ARAP3: variants seen among roughly 807,000 people sequenced by gnomAD.
The protein encoded by ARAP3 is ArfGAP with RhoGAP domain, ankyrin repeat and PH domain 3, also known as arf-GAP with Rho-GAP domain, ANK repeat and PH domain-containing protein 3.
Under a neutral mutation model 169.2 loss-of-function variants are expected in ARAP3, and 82 were observed. The ratio of observed to expected loss-of-function variants is 0.48; its 90% CI spans 0.41 to 0.58. The LOEUF is 0.58. ARAP3 is among the 20% of genes least tolerant of loss of function. The pLI is 0.00. For synonymous variants in ARAP3, 791 were observed against 800.3 expected, an observed-to-expected ratio of 0.99 and a Z score of 0.20; for missense variants, 1,764 against 2,018.0, an observed-to-expected ratio of 0.87 and a Z score of 2.41.
At chr5:141,670,164 A>G in intron 14 of ARAP3, 101 bp from the exon 15 acceptor site, 3 of 1,435,480 alleles carry the variant, frequency 2.1e-6, no homozygotes, top group South Asian at 1.4e-5. Flanking sequence ...CTTTGCCCAT[A>G]TATGATCCCA....
rs376008757 is a variant in ARAP3 at position 141,659,400 on chromosome 5, C to T, written c.3336+8G>A. On this transcript the variant is annotated splice_region_variant and intron_variant, in intron 23 of 32. Transcript: ENST00000239440. ...CCCATTCAGGAGACTAAGGTCAGGACGAGTTACCTGCACGTCCTTCCAGGT... is the reference window on the plus strand; with the variant it reads ...CCCATTCAGGAGACTAAGGTCAGGATGAGTTACCTGCACGTCCTTCCAGGT... 6.3e-5 allele frequency: 102 copies of T among 1,613,418 alleles called. No individual in the cohort carries two copies. The highest frequency in any genetic ancestry group is 6.3e-5 in the Non-Finnish European group (74 of 1,179,480).
intron 19 of ARAP3, among the ~76,000 whole-genome samples, chr5:141,663,916 A>G (rs912177640): frequency 2.0e-5 from 3 of 152,254 alleles, no homozygotes; most frequent in Non-Finnish European, 2.9e-5. Context: ...AAATACAAAT[A>G]AAAACAATAC....
At chr5:141,655,472 CA>C (rs1423966563) in intron 31 of ARAP3, 72 bp from the exon 32 acceptor site, 13 of 1,574,952 alleles carry the variant, frequency 8.3e-6, no homozygotes, top group African/African-American at 8.2e-5. Flanking sequence ...CAACAGGAGA[CA>C]GGGGTGGGGA....
At chr5:141,670,401 G>T in intron 14 of ARAP3, 111 bp downstream of exon 14, 1 of 1,204,166 alleles carries the variant, frequency 8.3e-7, no homozygotes, top group Non-Finnish European at 1.2e-6. Flanking sequence ...CCCATTCCCA[G>T]GCATGGCCCC....
chr5:141,665,345 T>C lies in ARAP3; in HGVS notation c.2602A>G (p.Lys868Glu), dbSNP rs776854709. 6.2e-7 allele frequency: 1 copy of C among 1,614,170 alleles called. No homozygotes were observed. The highest frequency in any genetic ancestry group is 1.1e-5 in the South Asian group (1 of 91,080). The stretch of plus-strand genomic sequence containing the variant: ...TCCACCAGGACCAAATGCTCTTTCT[T>C]ATCTGGGGTGTCAGCTGCAGAAACC... ...SVVSAADTPD[K>E]KEHLVLVETG... Residue 868 changes from lysine to glutamate, a missense_variant, in exon 18 of 33, where the codon AAG becomes GAG. Lys to Glu is a moderately conservative substitution (Grantham distance 56). Around this residue, in one of 3 missense-constraint regions of ARAP3, gnomAD observed 1,112 missense variants for 1,285.7 expected, o/e 0.86. Transcript: ENST00000239440.
At chr5:141,666,677 G>C (rs758914852) in intron 16 of ARAP3, 34 bp from the exon 17 acceptor site, 79 of 1,173,846 alleles carry the variant, frequency 6.7e-5, no homozygotes, top group Non-Finnish European at 1.1e-5. Flanking sequence ...GAGAAAGGGG[G>C]ATGGGGGAAG....
Position 141,654,106 on chromosome 5 carries a change from G to A in ARAP3, c.4479C>T (p.Ile1493=). 6.2e-7 allele frequency: 1 copy of A among 1,612,116 alleles called. No homozygotes were observed. The highest frequency in any genetic ancestry group is 8.5e-7 in the Non-Finnish European group (1 of 1,178,876). Residue 1493 remains isoleucine, a synonymous_variant, in exon 33 of 33, where the codon ATC becomes ATT. Coordinates refer to ENST00000239440, the MANE Select transcript of ARAP3 (RefSeq NM_022481.6). ...CTGCAGTGGTCTCTCCTTTCCTCAG[G>A]ATGAGGCTGCTGAGCTCCTGGAGCA... ...EQLLQELSSL[I]LRKGETTAGL...
Position 141,665,047 on chromosome 5 carries a change from G to T in ARAP3, c.2675C>A (p.Thr892Lys). 6.2e-7 allele frequency: 1 copy of T among 1,613,774 alleles called. No individual in the cohort carries two copies. Among genetic ancestry groups the T allele is most frequent in the Non-Finnish European group, 8.5e-7 (1 of 1,179,838 alleles). The change falls in exon 19 of 33, where the codon ACG becomes AAG. Residue 892 changes from threonine (T) to lysine (K), a missense_variant. Thr to Lys is a moderately conservative substitution (Grantham distance 78). Coordinates refer to ENST00000239440, the MANE Select transcript of ARAP3 (RefSeq NM_022481.6). ...GCCCCCAATGGCTGCGTTCCATGCC[G>T]TGAAGTCCAGCCGGCCCTCTCCTTG... ...YLQGEGRLDFTAWNAAIGGAA... is the reference protein window; with the variant it reads ...YLQGEGRLDFKAWNAAIGGAA...
In ARAP3 at chr5:141,665,214, CTT is replaced by C. The variant is rs1478066020; in HGVS notation, c.2636+95_2636+96del. ...AATCATCCTGGAGCAAGGGAAGAAA[CTT>C]TGAGGAAGTGGGCAATGGCCCAGCA... is the stretch of plus-strand genomic sequence containing the variant. On this transcript the variant is annotated intron_variant, in intron 18 of 32. Transcript: ENST00000239440. The C allele has an allele frequency of 3.0e-5, 47 of 1,573,906 alleles. No homozygotes were observed. In the Admixed American group the frequency reaches 3.1e-4, roughly 10 times the overall value.
Position 141,671,384 on chromosome 5 carries a change from A to G in ARAP3, c.1871T>C (p.Val624Ala). The G allele has an allele frequency of 6.2e-7, 1 of 1,611,422 alleles. No individual in the cohort carries two copies. The highest frequency in any genetic ancestry group is 8.5e-7 in the Non-Finnish European group (1 of 1,178,708). Residue 624 changes from valine (V) to alanine (A), a missense_variant, in exon 13 of 33, where the codon GTG becomes GCG. Physicochemically the swap from Val to Ala is moderately conservative, Grantham distance 64 (BLOSUM62 0). Around this residue, in one of 3 missense-constraint regions of ARAP3, gnomAD observed 1,112 missense variants for 1,285.7 expected, o/e 0.86. Transcript: ENST00000239440. This position sits in a 1 kb window ranked among gnomAD's most constrained non-coding sequence, Gnocchi z 4.9. ...GTTCTTCAGCAGGTTGGGTCTTGCC[A>G]CAGCTGCACACAGTGCCTGCAGGGA... ...SQLLQALCAAVARPNLLKNMT... is the reference protein window; with the variant it reads ...SQLLQALCAAAARPNLLKNMT...
chr5:141,672,496 C>T lies in ARAP3; in HGVS notation c.1385+56G>A. On this transcript the variant is annotated intron_variant, in intron 9 of 32. Transcript: ENST00000239440. This position sits in a 1 kb window ranked among gnomAD's most constrained non-coding sequence, Gnocchi z 4.9. ...TAAAGAGGCCTCTAGTCCTCTGCACCCTTGTGCCTCCCGCAAAAGTCCCCC... is the reference window on the plus strand; with the variant it reads ...TAAAGAGGCCTCTAGTCCTCTGCACTCTTGTGCCTCCCGCAAAAGTCCCCC... The T allele has an allele frequency of 6.3e-7, 1 of 1,591,340 alleles. No individual in the cohort carries two copies. Among genetic ancestry groups the T allele is most frequent in the South Asian group, 1.1e-5 (1 of 88,464 alleles).
At chr5:141,657,603 T>C (rs1056415302) in intron 25 of ARAP3, among the ~76,000 whole-genome samples, 1 of 152,236 alleles carries the variant, frequency 6.6e-6, no homozygotes, top group African/African-American at 2.4e-5. Context: ...GTGGTTACTG[T>C]TGACAGACAA....
At chr5:141,679,413 C>A in intron 4 of ARAP3, 132 bp downstream of exon 4, 2 of 840,630 alleles carry the variant, frequency 2.4e-6, no homozygotes, top group Non-Finnish European at 3.8e-6. Context: ...GGCACTAGGT[C>A]TGTGATACTC....
rs745586827 is a variant in ARAP3 at position 141,662,154 on chromosome 5, G to A, written c.2902C>T (p.Pro968Ser). 58 of 1,614,062 alleles carry A rather than the reference G, an allele frequency of 3.6e-5. No homozygotes were observed. Among genetic ancestry groups the A allele is most frequent in the Non-Finnish European group, 4.2e-5 (50 of 1,180,038 alleles). ...RRDARSVKLR[P>S]GEHFVEDVTD... Reference sequence around the variant, plus strand: ...ACATCCTCCACAAAGTGCTCCCCTGGTCGGAGCTTCACCGACCGGGCATCC... The same window carrying A: ...ACATCCTCCACAAAGTGCTCCCCTGATCGGAGCTTCACCGACCGGGCATCC... The change falls in exon 20 of 33, where the codon CCA becomes TCA. Residue 968 changes from proline to serine, a missense_variant. By Grantham distance (74) the Pro-to-Ser change is moderately conservative. This residue lies in a region of ARAP3 where 1,112 missense variants were observed against 1,285.7 expected (regional missense o/e 0.86). Coordinates refer to ENST00000239440, the MANE Select transcript of ARAP3 (RefSeq NM_022481.6).
chr5:141,656,310 G>A, intron 27 of ARAP3, 34 bp from the exon 28 acceptor site: 1 of 1,612,234 alleles, frequency 6.2e-7, no homozygotes, highest in Non-Finnish European at 8.5e-7. Flanking sequence ...GAGATGGAGA[G>A]ATGAGAGATC....
At chr5:141,659,134 C>T (rs1292764126) in intron 23 of ARAP3, among the ~76,000 whole-genome samples, 1 of 152,164 alleles carries the variant, frequency 6.6e-6, no homozygotes, top group Non-Finnish European at 1.5e-5. Flanking sequence ...GTAGTATGGT[C>T]TCACTTGATG....
Position 141,653,736 on chromosome 5 carries a change from A to T in ARAP3, c.*214T>A, listed in dbSNP as rs1250855939. On this transcript the variant is annotated 3_prime_UTR_variant, in exon 33 of 33. Coordinates refer to ENST00000239440, the MANE Select transcript of ARAP3 (RefSeq NM_022481.6). ...ATTCACTGCTCTCCTTACTTCAGTT[A>T]CCTCATGGTATAGATAAATGGGCTG... The T allele has an allele frequency of 4.2e-6, 2 of 476,472 alleles. No homozygotes were observed. The highest frequency in any genetic ancestry group is 6.7e-5 in the East Asian group (2 of 29,678). The allele number at this position is 476,472 out of a possible 1,614,324, so 29.5% of individuals were successfully genotyped here. A position where few individuals can be genotyped will look rare whatever the true frequency, so the allele number is the denominator to read the frequency against.
chr5:141,659,865 G>C lies in ARAP3; in HGVS notation c.3181C>G (p.Pro1061Ala). The change falls in exon 22 of 33, where the codon CCC (proline) becomes GCC (alanine). Residue 1061 changes from proline to alanine, a missense_variant. Physicochemically the swap from Pro to Ala is conservative, Grantham distance 27. This residue lies in a region of ARAP3 where 1,112 missense variants were observed against 1,285.7 expected (regional missense o/e 0.86). Transcript: ENST00000239440. ...CTRNLALLFAPSVFQTDGRGE... is the reference protein window; with the variant it reads ...CTRNLALLFAASVFQTDGRGE... ...CGCCCATCCGTCTGGAACACGCTGG[G>C]TGCAAACAGCAGAGCCAAGTTCCGC... is the stretch of plus-strand genomic sequence containing the variant. 6.2e-7 allele frequency: 1 copy of C among 1,600,488 alleles called. No individual in the cohort carries two copies. Among genetic ancestry groups the C allele is most frequent in the African/African-American group, 1.3e-5 (1 of 75,012 alleles).
At chr5:141,657,374 G>A (rs1405734517) in intron 25 of ARAP3, among the ~76,000 whole-genome samples, 1 of 152,264 alleles carries the variant, frequency 6.6e-6, no homozygotes, top group East Asian at 1.9e-4. Flanking sequence ...AGGCATGGAG[G>A]ACGCAGGGGT....
Sources: allele counts gnomAD v4.1 joint callset (sites outside exome capture counted in the v4.1 genomes callset), GRCh38; gene constraint gnomAD v4.1.1; regional missense constraint gnomAD v4.1.1; non-coding constraint Gnocchi (gnomAD v3.1); transcripts MANE v1.5; gene names NCBI Gene and HGNC (gene_info 2026-07-23, HGNC 2026-07-21).